The following NTM variants were observed in gnomAD, a reference collection of about 807,000 sequenced individuals.
The protein encoded by NTM is neurotrimin.
In NTM, 13 loss-of-function variants were observed where a neutral mutation model predicts 42.1. The ratio of observed to expected loss-of-function variants is 0.31; its 90% CI spans 0.20 to 0.49. The LOEUF (loss-of-function observed/expected upper bound fraction) is 0.49. NTM is among the 20% of genes least tolerant of loss of function. The pLI, the probability that NTM is intolerant of heterozygous loss-of-function variation, is 0.99. For synonymous variants in NTM, 187 were observed against 179.2 expected, an observed-to-expected ratio of 1.04 and a Z score of -0.35; for missense variants, 373 against 452.8, an observed-to-expected ratio of 0.82 and a Z score of 1.60.
rs151094047 is a variant in NTM, at chr11:132,127,200, G to GA, written c.168-19077dup. On this transcript the variant is annotated intron_variant, in intron 2 of 8. Transcript: ENST00000683400. The stretch of plus-strand genomic sequence containing the variant: ...GAGGCAGAAAAGGGAGCTCGTTCCA[G>GA]AAAAACATACCTTGGCAGGCTTCCC... 3.1e-3 allele frequency among the ~76,000 whole-genome samples: 465 copies of GA among 152,298 alleles called. 4 individuals are homozygous for GA. The highest frequency in any genetic ancestry group is 8.9e-3 in the African/African-American group (371 of 41,550).
intron 2 of NTM, among the ~76,000 whole-genome samples, chr11:131,972,668 A>C (rs2000586): frequency 2.6e-5 from 4 of 151,910 alleles, no homozygotes; most frequent in African/African-American, 9.7e-5. Context: ...TTTTCTGTTC[A>C]TCTGTGCTGA....
intron 1 of NTM, among the ~76,000 whole-genome samples, chr11:131,822,061 G>A (rs566968895): frequency 4.6e-5 from 7 of 152,266 alleles, no homozygotes; most frequent in African/African-American, 1.7e-4. Context: ...TCCCTTTAGG[G>A]GTACAAGAAA....
At chr11:131,479,342 T>A (rs1399799299) in intron 1 of NTM, among the ~76,000 whole-genome samples, 1 of 152,026 alleles carries the variant, frequency 6.6e-6, no homozygotes, top group East Asian at 1.9e-4. Flanking sequence ...CAGAACCACA[T>A]GTATAAAATT....
At chr11:131,455,460 A>G (rs751797362) in intron 1 of NTM, 1 of 152,244 alleles carries the variant, frequency 6.6e-6, no homozygotes, top group Non-Finnish European at 1.5e-5. Context: ...AGAACGATGA[A>G]TCAGTAAGTT....
In NTM at chr11:131,987,486, C is replaced by T. The variant is rs755682847; in HGVS notation, c.167+75838C>T. Among the ~76,000 whole-genome samples, 49 of 152,112 alleles carry T rather than the reference C, an allele frequency of 3.2e-4. 1 individual carries two copies. The highest frequency in any genetic ancestry group is 3.4e-3 in the Middle Eastern group (1 of 294). On this transcript the variant is annotated intron_variant, in intron 2 of 8. Transcript: ENST00000683400. ...ATCTTTCAAAATTTGACCCATTAAG[C>T]TGTTTCTGCAGTAAACAAATGTATT...
chr11:132,069,997 A>G (rs1422614681), intron 2 of NTM, among the ~76,000 whole-genome samples: 1 of 137,310 alleles, frequency 7.3e-6, no homozygotes, highest in Non-Finnish European at 1.5e-5. Flanking sequence ...AGGTTAGTTA[A>G]CACGTCACAC....
At chr11:131,665,111 G>A (rs939536129) in intron 1 of NTM, among the ~76,000 whole-genome samples, 2 of 152,184 alleles carry the variant, frequency 1.3e-5, no homozygotes, top group African/African-American at 4.8e-5. Context: ...GTCCTGCAGG[G>A]AAATTAAGAA....
chr11:131,504,196 C>G (rs1236380685), intron 1 of NTM, among the ~76,000 whole-genome samples: 4 of 152,166 alleles, frequency 2.6e-5, no homozygotes, highest in African/African-American at 9.7e-5. Context: ...CACCTCTGTC[C>G]TCACCCTTCC....
intron 4 of NTM, among the ~76,000 whole-genome samples, chr11:132,246,815 GAGCAGA>G: frequency 6.6e-6 from 1 of 152,276 alleles, no homozygotes; most frequent in East Asian, 1.9e-4. Flanking sequence ...CCTTCATTGT[GAGCAGA>G]AGCCTTGAGA....
At chr11:131,705,534 A>G (rs2135231700) in intron 1 of NTM, among the ~76,000 whole-genome samples, 1 of 152,320 alleles carries the variant, frequency 6.6e-6, no homozygotes, top group South Asian at 2.1e-4. Flanking sequence ...AAAACTCATT[A>G]TAAAGGTAAG....
intron 1 of NTM, among the ~76,000 whole-genome samples, chr11:131,779,817 G>T (rs2087726420): frequency 6.6e-6 from 1 of 152,192 alleles, no homozygotes; most frequent in Non-Finnish European, 1.5e-5. Context: ...GTTTTTCTAG[G>T]AACTGTAAGT....
rs375771781 is a variant in NTM, at chr11:131,384,959, A to T, written c.82+14071A>T. Among the ~76,000 whole-genome samples, 402 of 152,332 alleles carry T rather than the reference A, an allele frequency of 2.6e-3. 1 individual carries two copies. Among genetic ancestry groups the T allele is most frequent in the African/African-American group, 9.1e-3 (379 of 41,578 alleles). On this transcript the variant is annotated intron_variant, in intron 1 of 8. Transcript: ENST00000683400. ...TTTCTGCCATCTGGACCTGTTGCACATGGCCTTGCCTCCACAGTCTAAGGC... is the reference window on the plus strand; with the variant it reads ...TTTCTGCCATCTGGACCTGTTGCACTTGGCCTTGCCTCCACAGTCTAAGGC...
chr11:132,333,886 A>T (rs2095844172), intron 8 of NTM, among the ~76,000 whole-genome samples: 1 of 152,206 alleles, frequency 6.6e-6, no homozygotes, highest in South Asian at 2.1e-4. Flanking sequence ...TCCCACATGG[A>T]ATTGAGAAGC....
rs542418034 is a variant in NTM, at chr11:131,802,043, T to C, written c.83-109521T>C. 2.0e-5 allele frequency among the ~76,000 whole-genome samples: 3 copies of C among 152,160 alleles called. No homozygotes were observed. The South Asian group carries it at 6.2e-4, about 32-fold the overall frequency. On this transcript the variant is annotated intron_variant, in intron 1 of 8. Coordinates refer to ENST00000683400, the MANE Select transcript of NTM (RefSeq NM_001352005.2). ...TTTAGGTGCAGTATAATAAAAAAAA[T>C]TAAAATCCTAAAAAAACTAATTCTG...
At chr11:131,956,219 C>T (rs1178153566) in intron 2 of NTM, among the ~76,000 whole-genome samples, 3 of 152,288 alleles carry the variant, frequency 2.0e-5, no homozygotes, top group African/African-American at 4.8e-5. Flanking sequence ...CTGCTCTGGG[C>T]AGTTGCTTCT....
intron 1 of NTM, among the ~76,000 whole-genome samples, chr11:131,797,747 T>C (rs1401342628): frequency 6.6e-6 from 1 of 152,216 alleles, no homozygotes; most frequent in African/African-American, 2.4e-5. Context: ...TACTTTAGTA[T>C]GTATCACTAA....
intron 1 of NTM, among the ~76,000 whole-genome samples, chr11:131,872,716 G>A (rs1276337111): frequency 6.6e-6 from 1 of 152,144 alleles, no homozygotes; most frequent in Non-Finnish European, 1.5e-5. Flanking sequence ...TTTGATAGTG[G>A]CTAGATTGAA....
chr11:131,992,225 A>C (rs2135127648), intron 2 of NTM, among the ~76,000 whole-genome samples: 1 of 152,328 alleles, frequency 6.6e-6, no homozygotes, highest in Non-Finnish European at 1.5e-5. Flanking sequence ...AATTGATAGT[A>C]AATCTACTTT....
At chr11:132,324,748 C>A (rs977793354) in intron 7 of NTM, among the ~76,000 whole-genome samples, 2 of 146,608 alleles carry the variant, frequency 1.4e-5, no homozygotes, top group African/African-American at 5.1e-5. Flanking sequence ...CTGGAGGCAT[C>A]ACACTACCTG....
Sources: allele counts gnomAD v4.1 joint callset (sites outside exome capture counted in the v4.1 genomes callset), GRCh38; gene constraint gnomAD v4.1.1; transcripts MANE v1.5; gene names NCBI Gene and HGNC (gene_info 2026-07-23, HGNC 2026-07-21).